KERA: variants seen among roughly 807,000 people sequenced by gnomAD.
The protein encoded by KERA is keratan sulfate proteoglycan keratocan.
Under a neutral mutation model 26.4 loss-of-function variants are expected in KERA, and 25 were observed. The ratio of observed to expected loss-of-function variants is 0.95; its 90% CI spans 0.69 to 1.32. The LOEUF is 1.32. KERA is among the 40% of genes most tolerant of loss of function. The probability of loss-of-function intolerance (pLI) is 0.00; values close to 1 mark genes in which losing one functional copy is unlikely to be tolerated. For synonymous variants in KERA, 167 were observed against 146.1 expected (o/e 1.14, Z -1.03); for missense variants, 434 against 408.9 (o/e 1.06, Z -0.53).
At chr12:91,056,828 T>C (rs1236445510) in intron 1 of KERA, among the ~76,000 whole-genome samples, 1 of 151,124 alleles carries the variant, frequency 6.6e-6, no homozygotes, top group Non-Finnish European at 1.5e-5. Context: ...GGTTCTAGGA[T>C]CTGAATAAAA....
At position 91,051,133 on chromosome 12, in the gene KERA, T is replaced by A; in HGVS notation, c.*213A>T. The A allele has an allele frequency of 1.9e-6, 1 of 531,110 alleles. No individual in the cohort carries two copies. The highest frequency in any genetic ancestry group is 3.4e-6 in the Non-Finnish European group (1 of 292,326). The allele number at this position is 531,110 out of a possible 1,614,324, so 32.9% of individuals were successfully genotyped here. A position where few individuals can be genotyped will look rare whatever the true frequency, so the allele number is the denominator to read the frequency against. The stretch of plus-strand genomic sequence containing the variant: ...TGATAAACTATCTTAACTCTGTGTC[T>A]GTTTTATTAATTAAAAGAAAAGCAA... On this transcript the variant is annotated 3_prime_UTR_variant, in exon 3 of 3. Transcript: ENST00000266719.
chr12:91,051,076 T>TGG lies in KERA; in HGVS notation c.*268_*269dup. On this transcript the variant is annotated 3_prime_UTR_variant, in exon 3 of 3. Transcript: ENST00000266719. ...TGTTTTCTTTAGTGTTAATAAGCTATGGAAGAGACCAAAATAAAACTATCT... is the reference window on the plus strand; with the variant it reads ...TGTTTTCTTTAGTGTTAATAAGCTATGGGGAAGAGACCAAAATAAAACTATCT... 1 of 408,644 alleles carries TGG rather than the reference T, an allele frequency of 2.4e-6. No homozygotes were observed. The highest frequency in any genetic ancestry group is 7.4e-4 in the Middle Eastern group (1 of 1,358). 25.3% of individuals were successfully genotyped at this position (408,644 alleles called of 1,614,324 possible). A position where few individuals can be genotyped will look rare whatever the true frequency, so the allele number is the denominator to read the frequency against.
At chr12:91,054,873 G>T (rs112294402) in intron 2 of KERA, among the ~76,000 whole-genome samples, 11,848 of 151,244 alleles carry the variant, frequency 0.078, 723 homozygotes, top group African/African-American at 0.16. Flanking sequence ...AATTCTGGGG[G>T]TGGAGTCACC....
chr12:91,051,619 G>T, intron 2 of KERA, 101 bp from the exon 3 acceptor site: 1 of 814,390 alleles, frequency 1.2e-6, no homozygotes, highest in Non-Finnish European at 2.1e-6. Context: ...AGGGCTTAGT[G>T]GCCTAATATA....
rs1468709459 is a variant in KERA at position 91,051,196 on chromosome 12, A to T, written c.*150T>A. Reference sequence around the variant, plus strand: ...TGTGATGCATGTAACTGGCAAAAGCATCTTTGAATAGAAAAAATACACTGC... The same window carrying T: ...TGTGATGCATGTAACTGGCAAAAGCTTCTTTGAATAGAAAAAATACACTGC... On this transcript the variant is annotated 3_prime_UTR_variant, in exon 3 of 3. Transcript: ENST00000266719. 2 of 673,936 alleles carry T rather than the reference A, an allele frequency of 3.0e-6. No homozygotes were observed. Among genetic ancestry groups the T allele is most frequent in the East Asian group, 5.5e-5 (2 of 36,118 alleles). 41.7% of individuals were successfully genotyped at this position (673,936 alleles called of 1,614,324 possible).
At chr12:91,054,599 G>C (rs1297157977) in intron 2 of KERA, among the ~76,000 whole-genome samples, 1 of 151,248 alleles carries the variant, frequency 6.6e-6, no homozygotes, top group Non-Finnish European at 1.5e-5. Context: ...TTCTTCTCTT[G>C]ATGATGCCTC....
chr12:91,055,660 G>A lies in KERA; in HGVS notation c.622C>T (p.Pro208Ser), dbSNP rs745405837. 1 of 1,611,256 alleles carries A rather than the reference G, an allele frequency of 6.2e-7. No individual in the cohort carries two copies. The highest frequency in any genetic ancestry group is 1.7e-5 in the Admixed American group (1 of 59,746). ...NMAKNALRNM[P>S]PRLPANTMQL... Reference sequence around the variant, plus strand: ...ATTGTATTGGCTGGTAATCTTGGAGGCATATTCCTCAGGGCATTCTTGGCC... The same window carrying A: ...ATTGTATTGGCTGGTAATCTTGGAGACATATTCCTCAGGGCATTCTTGGCC... The change falls in exon 2 of 3, where the codon CCT becomes TCT. Residue 208 changes from proline (P) to serine (S), a missense_variant. Transcript: ENST00000266719.
In KERA at chr12:91,056,257, T is replaced by C. The variant is rs752745106; in HGVS notation, c.25A>G (p.Met9Val). 75 of 1,609,334 alleles carry C rather than the reference T, an allele frequency of 4.7e-5. 1 individual carries two copies. The South Asian group carries it at 7.8e-4, about 17-fold the overall frequency. MAGTICFI[M>V]WVLFITDTVW... ...GTGTCTGTTATGAATAACACCCACA[T>C]GATGAAACAGATTGTGCCTGCCATT... is the stretch of plus-strand genomic sequence containing the variant. Residue 9 changes from methionine (M) to valine (V), a missense_variant, in exon 2 of 3, where the codon ATG becomes GTG. By Grantham distance (21) the Met-to-Val change is conservative. Transcript: ENST00000266719.
At chr12:91,056,335 CT>C in intron 1 of KERA, 46 bp from the exon 2 acceptor site, 1 of 1,476,594 alleles carries the variant, frequency 6.8e-7, no homozygotes, top group Non-Finnish European at 9.4e-7. Context: ...AGATCTTGAC[CT>C]TTAGATAATT....
In KERA at chr12:91,056,251, C is replaced by T; in HGVS notation, c.31G>A (p.Val11Met). Residue 11 changes from valine (V) to methionine (M), a missense_variant, in exon 2 of 3, where the codon GTG becomes ATG. Coordinates refer to ENST00000266719, the MANE Select transcript of KERA (RefSeq NM_007035.4). MAGTICFIMW[V>M]LFITDTVWSR... Reference sequence around the variant, plus strand: ...CACACAGTGTCTGTTATGAATAACACCCACATGATGAAACAGATTGTGCCT... The same window carrying T: ...CACACAGTGTCTGTTATGAATAACATCCACATGATGAAACAGATTGTGCCT... 4 of 1,609,218 alleles carry T rather than the reference C, an allele frequency of 2.5e-6. No individual in the cohort carries two copies. Among genetic ancestry groups the T allele is most frequent in the South Asian group, 2.2e-5 (2 of 90,956 alleles).
intron 2 of KERA, 129 bp from the exon 3 acceptor site, chr12:91,051,647 C>T: frequency 1.4e-6 from 1 of 705,464 alleles, no homozygotes; most frequent in Non-Finnish European, 2.5e-6. Context: ...AGTGGTTATA[C>T]AAAACATTTG....
At chr12:91,052,794 C>T (rs1299583567) in intron 2 of KERA, among the ~76,000 whole-genome samples, 3 of 151,432 alleles carry the variant, frequency 2.0e-5, no homozygotes, top group Non-Finnish European at 4.4e-5. Flanking sequence ...GTGTCTCTTG[C>T]CCAAAAGAAT....
At chr12:91,056,436 C>T (rs185814382) in intron 1 of KERA, 147 bp from the exon 2 acceptor site, 6 of 701,580 alleles carry the variant, frequency 8.6e-6, no homozygotes, top group East Asian at 2.7e-5. Context: ...AATTAATATA[C>T]ATTAGTTAGT....
In KERA at chr12:91,055,722, G is replaced by A. The variant is rs763731124; in HGVS notation, c.560C>T (p.Thr187Ile). 1.2e-6 allele frequency: 2 copies of A among 1,611,266 alleles called. No homozygotes were observed. The highest frequency in any genetic ancestry group is 1.3e-5 in the African/African-American group (1 of 74,636). ...KLVDNAFQRD[T>I]FKGLKNLMQL... Reference sequence around the variant, plus strand: ...CATGAGATTCTTGAGTCCTTTAAAAGTGTCTCTTTGAAAGGCATTGTCCAC... The same window carrying A: ...CATGAGATTCTTGAGTCCTTTAAAAATGTCTCTTTGAAAGGCATTGTCCAC... The change falls in exon 2 of 3, where the codon ACT becomes ATT. Residue 187 changes from threonine (T) to isoleucine (I), a missense_variant. Transcript: ENST00000266719.
At chr12:91,051,807 G>A (rs766872973) in intron 2 of KERA, among the ~76,000 whole-genome samples, 6 of 151,470 alleles carry the variant, frequency 4.0e-5, no homozygotes, top group Admixed American at 6.6e-5. Context: ...TGTATAAGAC[G>A]TCACTTGTTT....
intron 2 of KERA, among the ~76,000 whole-genome samples, chr12:91,052,857 A>T (rs866958786): frequency 7.0e-6 from 1 of 143,018 alleles, no homozygotes; most frequent in South Asian, 2.2e-4. Context: ...ATGTCCCATA[A>T]TCAATGTATG....
intron 2 of KERA, among the ~76,000 whole-genome samples, chr12:91,052,619 G>A (rs1878895237): frequency 6.6e-6 from 1 of 151,458 alleles, no homozygotes; most frequent in South Asian, 2.1e-4. Flanking sequence ...ATACATCCAA[G>A]TATCACCTGA....
Position 91,051,500 on chromosome 12 carries a change from A to T in KERA, c.905T>A (p.Ile302Lys). The T allele has an allele frequency of 1.2e-6, 2 of 1,609,592 alleles. No homozygotes were observed. The highest frequency in any genetic ancestry group is 1.7e-6 in the Non-Finnish European group (2 of 1,176,624). ...NKIKSVNVSV[I>K]CPSPSMLPAE... Reference sequence around the variant, plus strand: ...AGGCAGCATGGATGGGCTGGGACATATTACAGAGACATTCACACCTACAGT... The same window carrying T: ...AGGCAGCATGGATGGGCTGGGACATTTTACAGAGACATTCACACCTACAGT... Residue 302 changes from isoleucine to lysine, a missense_variant, in exon 3 of 3, where the codon ATA (isoleucine) becomes AAA (lysine). Physicochemically the swap from Ile to Lys is moderately radical, Grantham distance 102. Coordinates refer to ENST00000266719, the MANE Select transcript of KERA (RefSeq NM_007035.4).
At chr12:91,052,711 G>T (rs753136637) in intron 2 of KERA, among the ~76,000 whole-genome samples, 4 of 151,356 alleles carry the variant, frequency 2.6e-5, no homozygotes, top group Non-Finnish European at 5.9e-5. Context: ...GAGAAATAAG[G>T]AAATGCACAC....
Sources: allele counts gnomAD v4.1 joint callset (sites outside exome capture counted in the v4.1 genomes callset), GRCh38; gene constraint gnomAD v4.1.1; transcripts MANE v1.5; gene names NCBI Gene and HGNC (gene_info 2026-07-23, HGNC 2026-07-21).